Variants in SPAG16 observed in about 807,000 individuals in gnomAD.
The protein encoded by SPAG16 is sperm associated antigen 16.
Under a neutral mutation model 80.4 loss-of-function variants are expected in SPAG16, and 86 were observed. That is an observed-to-expected ratio of 1.07 (90% CI 0.90 to 1.28). The LOEUF (loss-of-function observed/expected upper bound fraction) is 1.28. Ranked by LOEUF, SPAG16 falls within the 50% of genes most tolerant of loss-of-function variation. The probability of loss-of-function intolerance (pLI) is 0.00; values close to 1 mark genes in which losing one functional copy is unlikely to be tolerated. For missense variants in SPAG16, 870 were observed against 765.3 expected, an observed-to-expected ratio of 1.14 and a Z score of -1.61; for synonymous variants, 294 against 265.9, an observed-to-expected ratio of 1.11 and a Z score of -1.03.
At chr2:213,322,463 CAA>C (rs1213744856) in intron 5 of SPAG16, among the ~76,000 whole-genome samples, 3 of 151,412 alleles carry the variant, frequency 2.0e-5, no homozygotes, top group Non-Finnish European at 2.9e-5. Flanking sequence ...GCCTTGGACA[CAA>C]GAGAACTGTT....
chr2:213,572,468 C>T (rs1271958171), intron 10 of SPAG16, among the ~76,000 whole-genome samples: 1 of 149,062 alleles, frequency 6.7e-6, no homozygotes, highest in Non-Finnish European at 1.5e-5. Flanking sequence ...ACAGGACCCT[C>T]AGCTGCAGGT....
chr2:213,341,275 G>T (rs1250793107), intron 6 of SPAG16, among the ~76,000 whole-genome samples: 3 of 151,942 alleles, frequency 2.0e-5, no homozygotes, highest in African/African-American at 7.2e-5. Context: ...CACAAAACTG[G>T]GTATCAAGTT....
intron 13 of SPAG16, among the ~76,000 whole-genome samples, chr2:214,054,015 G>A (rs372835132): frequency 8.6e-5 from 13 of 151,302 alleles, no homozygotes; most frequent in Non-Finnish European, 1.3e-4. Context: ...TTTTAAAAAC[G>A]GAGTCTCCCT....
intron 15 of SPAG16, among the ~76,000 whole-genome samples, chr2:214,183,545 A>G (rs752701978): frequency 4.6e-5 from 7 of 151,958 alleles, no homozygotes; most frequent in Non-Finnish European, 7.4e-5. Context: ...TTTCTTCAAT[A>G]AAGAAAGCAG....
At chr2:213,985,717 G>A (rs1011687292) in intron 12 of SPAG16, among the ~76,000 whole-genome samples, 1 of 152,070 alleles carries the variant, frequency 6.6e-6, no homozygotes, top group African/African-American at 2.4e-5. Flanking sequence ...TGTGGGCAAA[G>A]AGAGAGGGAA....
intron 11 of SPAG16, among the ~76,000 whole-genome samples, chr2:213,875,868 CTT>C (rs1251206761): frequency 8.6e-5 from 13 of 151,992 alleles, no homozygotes; most frequent in African/African-American, 3.1e-4. Flanking sequence ...TATTTGATGT[CTT>C]TGATTGATGC....
intron 12 of SPAG16, among the ~76,000 whole-genome samples, chr2:214,012,398 C>T (rs536257346): frequency 7.4e-5 from 11 of 147,910 alleles, no homozygotes; most frequent in South Asian, 2.2e-4. Context: ...CAGATTCAAG[C>T]GATTCTCCTG....
At chr2:213,826,217 CT>C in intron 10 of SPAG16, among the ~76,000 whole-genome samples, 1 of 151,604 alleles carries the variant, frequency 6.6e-6, no homozygotes, top group South Asian at 2.1e-4. Flanking sequence ...TTTCATTAAT[CT>C]TTTGTATTTT....
chr2:213,780,489 T>A (rs899782474), intron 10 of SPAG16, among the ~76,000 whole-genome samples: 1 of 152,098 alleles, frequency 6.6e-6, no homozygotes, highest in Non-Finnish European at 1.5e-5. Flanking sequence ...TTCAACTATG[T>A]GGAATCTGGT....
At chr2:213,954,134 C>A (rs116254149) in intron 12 of SPAG16, among the ~76,000 whole-genome samples, 6,290 of 136,894 alleles carry the variant, frequency 0.046, 161 homozygotes, top group South Asian at 0.1. Context: ...TAAAGAGTCA[C>A]TCCTATTTTT....
intron 15 of SPAG16, among the ~76,000 whole-genome samples, chr2:214,358,668 T>C (rs1400337641): frequency 6.6e-6 from 1 of 151,870 alleles, no homozygotes; most frequent in Non-Finnish European, 1.5e-5. Flanking sequence ...GGAGCTCTGC[T>C]TGTTGCAGTC....
chr2:213,319,392 G>T (rs932326068), intron 5 of SPAG16, among the ~76,000 whole-genome samples: 4 of 151,832 alleles, frequency 2.6e-5, no homozygotes, highest in African/African-American at 9.7e-5. Flanking sequence ...AAATGTTTTT[G>T]CAAGGTATAT....
chr2:213,846,494 A>C (rs1454940358), intron 10 of SPAG16, among the ~76,000 whole-genome samples: 1 of 152,062 alleles, frequency 6.6e-6, no homozygotes, highest in Non-Finnish European at 1.5e-5. Flanking sequence ...TGTGTGGTTC[A>C]AAACCAATAA....
intron 11 of SPAG16, among the ~76,000 whole-genome samples, chr2:213,922,681 T>C (rs1041510553): frequency 2.0e-5 from 3 of 152,218 alleles, no homozygotes; most frequent in Admixed American, 2.0e-4. Flanking sequence ...TCTTTAAAGT[T>C]TCTGTCCTTT....
chr2:213,953,843 A>G (rs576066050), intron 12 of SPAG16, among the ~76,000 whole-genome samples: 1 of 152,178 alleles, frequency 6.6e-6, no homozygotes, highest in African/African-American at 2.4e-5. Context: ...AATTCATTAA[A>G]TGAACCAAAA....
intron 10 of SPAG16, among the ~76,000 whole-genome samples, chr2:213,752,652 T>C (rs2068129090): frequency 6.6e-6 from 1 of 152,242 alleles, no homozygotes; most frequent in Admixed American, 6.5e-5. Flanking sequence ...TGGTTTTGTA[T>C]TTGCTGCCTT....
At chr2:213,607,901 T>G (rs2061318923) in intron 10 of SPAG16, among the ~76,000 whole-genome samples, 1 of 152,238 alleles carries the variant, frequency 6.6e-6, no homozygotes, top group Non-Finnish European at 1.5e-5. Flanking sequence ...TTAAGGCTAA[T>G]AAGAACCTTC....
chr2:213,390,511 T>C (rs572788058), intron 9 of SPAG16, among the ~76,000 whole-genome samples: 45 of 152,274 alleles, frequency 3.0e-4, no homozygotes, highest in African/African-American at 1.1e-3. Flanking sequence ...ACAACAAATA[T>C]GTTAAAACAT....
chr2:213,585,809 A>G (rs1287088406), intron 10 of SPAG16, among the ~76,000 whole-genome samples: 1 of 152,218 alleles, frequency 6.6e-6, no homozygotes, highest in African/African-American at 2.4e-5. Context: ...GTTAACCTCA[A>G]CAAATCATTT....
Sources: allele counts gnomAD v4.1 joint callset (sites outside exome capture counted in the v4.1 genomes callset), GRCh38; gene constraint gnomAD v4.1.1; transcripts MANE v1.5; gene names NCBI Gene and HGNC (gene_info 2026-07-23, HGNC 2026-07-21).